SLC4A10: variants seen among roughly 807,000 people sequenced by gnomAD.
SLC4A10 encodes solute carrier family 4 member 10.
Under a neutral mutation model 137.7 loss-of-function variants are expected in SLC4A10, and 42 were observed. The observed-to-expected ratio is 0.30, with a 90% confidence interval of 0.24 to 0.39. SLC4A10 has a LOEUF of 0.39. Among genes scored for constraint, SLC4A10 ranks in the 10% least tolerant of loss-of-function variants. SLC4A10 has a pLI of 1.00. For synonymous variants in SLC4A10, 474 were observed against 464.1 expected, an observed-to-expected ratio of 1.02 and a Z score of -0.27; for missense variants, 925 against 1,355.0, an observed-to-expected ratio of 0.68 and a Z score of 4.98.
At chr2:161,672,022 T>C (rs1002525330) in intron 1 of SLC4A10, among the ~76,000 whole-genome samples, 2 of 152,126 alleles carry the variant, frequency 1.3e-5, no homozygotes, top group African/African-American at 4.8e-5. Flanking sequence ...CTTTGAGTCT[T>C]AAAAGGAATT....
chr2:161,907,055 CAAAAAAAAAAAAAAA>C (rs556899761), intron 15 of SLC4A10, among the ~76,000 whole-genome samples: 48,769 of 91,526 alleles, frequency 0.53, 8,613 homozygotes, highest in Admixed American at 0.59. Flanking sequence ...GACTCCGTCT[CAAAAAAAAAAAAAAA>C]AAAAAAAAAA....
intron 1 of SLC4A10, among the ~76,000 whole-genome samples, chr2:161,681,815 T>C (rs1281720064): frequency 6.6e-6 from 1 of 152,118 alleles, no homozygotes; most frequent in Non-Finnish European, 1.5e-5. Context: ...GAAAACCTAA[T>C]TGTGGGAAAA....
chr2:161,857,471 A>G (rs1269934640), intron 5 of SLC4A10, among the ~76,000 whole-genome samples: 3 of 152,160 alleles, frequency 2.0e-5, no homozygotes, highest in African/African-American at 4.8e-5. Context: ...TATGATTACA[A>G]ATATTTGTGT....
At chr2:161,921,409 AC>A (rs144895328) in intron 15 of SLC4A10, among the ~76,000 whole-genome samples, 2,309 of 152,282 alleles carry the variant, frequency 0.015, 53 homozygotes, top group African/African-American at 0.053. Flanking sequence ...GAATTATGTG[AC>A]AATAGGTTAG....
At chr2:161,714,102 A>C (rs1261082022) in intron 1 of SLC4A10, among the ~76,000 whole-genome samples, 1 of 151,954 alleles carries the variant, frequency 6.6e-6, no homozygotes, top group Non-Finnish European at 1.5e-5. Context: ...CTATTTTTAG[A>C]ACAATAGGAG....
chr2:161,938,251 A>G (rs1691948564), intron 15 of SLC4A10, among the ~76,000 whole-genome samples: 1 of 152,102 alleles, frequency 6.6e-6, no homozygotes, highest in African/African-American at 2.4e-5. Context: ...AGTCTGGGGG[A>G]CAGAGAGAAA....
intron 1 of SLC4A10, among the ~76,000 whole-genome samples, chr2:161,752,400 G>A (rs1270639609): frequency 1.3e-5 from 2 of 151,950 alleles, no homozygotes; most frequent in Admixed American, 6.6e-5. Flanking sequence ...GGTGATGAAT[G>A]GTAGTTTAAA....
At chr2:161,630,378 C>A (rs2033305120) in intron 1 of SLC4A10, among the ~76,000 whole-genome samples, 1 of 150,802 alleles carries the variant, frequency 6.6e-6, no homozygotes, top group African/African-American at 2.4e-5. Context: ...TTTCTATTTT[C>A]TGACATAGAT....
intron 1 of SLC4A10, among the ~76,000 whole-genome samples, chr2:161,767,094 CATATATAT>C (rs770704286): frequency 0.036 from 1,422 of 39,860 alleles, 23 homozygotes; most frequent in African/African-American, 0.047. Context: ...AATTAAGAAG[CATATATAT>C]ATATATATAT....
At chr2:161,721,368 C>A (rs1293804078) in intron 1 of SLC4A10, among the ~76,000 whole-genome samples, 1 of 152,118 alleles carries the variant, frequency 6.6e-6, no homozygotes, top group African/African-American at 2.4e-5. Context: ...TCTTACAAGG[C>A]AGGCAGGCCA....
chr2:161,915,104 G>T (rs547793718), intron 15 of SLC4A10, among the ~76,000 whole-genome samples: 1 of 152,196 alleles, frequency 6.6e-6, no homozygotes, highest in Admixed American at 6.5e-5. Context: ...CCCAGACTCA[G>T]CCAGTAGAGA....
intron 1 of SLC4A10, among the ~76,000 whole-genome samples, chr2:161,716,128 A>G (rs1352004501): frequency 1.3e-5 from 2 of 150,524 alleles, no homozygotes; most frequent in Non-Finnish European, 3.0e-5. Context: ...CTGCTTATAT[A>G]TCTTCTTTTG....
At chr2:161,863,127 A>G in intron 6 of SLC4A10, 65 bp downstream of exon 6, 1 of 1,370,452 alleles carries the variant, frequency 7.3e-7, no homozygotes, top group Non-Finnish European at 9.8e-7. Context: ...AAGCGCTTCT[A>G]AATCTTTTAA....
At chr2:161,773,106 G>T (rs534913241) in intron 2 of SLC4A10, among the ~76,000 whole-genome samples, 32 of 151,982 alleles carry the variant, frequency 2.1e-4, no homozygotes, top group Admixed American at 5.9e-4. Context: ...AAAAGAAATT[G>T]ATATCTAACA....
intron 15 of SLC4A10, among the ~76,000 whole-genome samples, chr2:161,919,224 T>A (rs1297381975): frequency 1.3e-5 from 2 of 152,132 alleles, no homozygotes; most frequent in East Asian, 3.9e-4. Flanking sequence ...GAAGGTGGCT[T>A]GGTGCAGGCC....
rs1697000503 is a variant in SLC4A10 at position 161,963,072 on chromosome 2, C to A, written c.2863-1063C>A. ...CTAAATAATCGCCTCTAGTTGGAAA[C>A]ACTGAAAATTGCAAAAATTGGCCGA... On this transcript the variant is annotated intron_variant, in intron 21 of 26. Coordinates refer to ENST00000446997, the MANE Select transcript of SLC4A10 (RefSeq NM_001178015.2). Among the ~76,000 whole-genome samples, 3 of 152,022 alleles carry A rather than the reference C, an allele frequency of 2.0e-5. 1 individual carries two copies. Among genetic ancestry groups the A allele is most frequent in the South Asian group, 4.1e-4 (2 of 4,828 alleles).
At chr2:161,714,565 C>T (rs1445694712) in intron 1 of SLC4A10, among the ~76,000 whole-genome samples, 2 of 151,732 alleles carry the variant, frequency 1.3e-5, no homozygotes, top group Non-Finnish European at 2.9e-5. Flanking sequence ...TGATGTGTGG[C>T]GTGTAAATGT....
chr2:161,906,973 G>C (rs1343656584), intron 15 of SLC4A10, among the ~76,000 whole-genome samples: 2 of 149,632 alleles, frequency 1.3e-5, no homozygotes, highest in Admixed American at 6.7e-5. Flanking sequence ...GGAGAATGGC[G>C]TGAACCCGGG....
chr2:161,869,927 C>G (rs2061005296), intron 6 of SLC4A10, among the ~76,000 whole-genome samples: 1 of 151,300 alleles, frequency 6.6e-6, no homozygotes, highest in Admixed American at 6.6e-5. Context: ...ATACACATAC[C>G]TAGAATCTAG....
Sources: gnomAD v4.1 joint callset for allele counts (sites outside exome capture counted in the v4.1 genomes callset) on GRCh38, gnomAD v4.1.1 for gene constraint, MANE v1.5 for transcripts, NCBI Gene and HGNC (gene_info 2026-07-23, HGNC 2026-07-21) for gene names.